TCF7L1: variants seen among roughly 807,000 people sequenced by gnomAD.
TCF7L1 encodes transcription factor 7-like 1.
Under a neutral mutation model 63.7 loss-of-function variants are expected in TCF7L1, and 18 were observed. The observed-to-expected ratio is 0.28, with a 90% CI of 0.20 to 0.42. The LOEUF is 0.42. Among genes scored for constraint, TCF7L1 ranks in the 10% least tolerant of loss-of-function variants. TCF7L1 has a pLI of 1.00. For missense variants in TCF7L1, 654 were observed against 779.3 expected (o/e 0.84, Z 1.91); for synonymous variants, 355 against 340.9 (o/e 1.04, Z -0.46).
At chr2:85,222,762 C>T (rs1261960545) in intron 3 of TCF7L1, among the ~76,000 whole-genome samples, 1 of 151,676 alleles carries the variant, frequency 6.6e-6, no homozygotes, top group Non-Finnish European at 1.5e-5. Flanking sequence ...GCATTGGATC[C>T]TGATTGGAAT....
rs140747822 is a variant in TCF7L1 at position 85,268,510 on chromosome 2, G to A, written c.442-14985G>A. On this transcript the variant is annotated intron_variant, in intron 3 of 11. Coordinates refer to ENST00000282111, the MANE Select transcript of TCF7L1 (RefSeq NM_031283.3). Reference sequence around the variant, plus strand: ...TTTTTTGAGACGGAGTCTCGCTCACGTCACCCAGGCTGGAGTGCAGTGGCA... The same window carrying A: ...TTTTTTGAGACGGAGTCTCGCTCACATCACCCAGGCTGGAGTGCAGTGGCA... Among the ~76,000 whole-genome samples, 249 of 135,266 alleles carry A rather than the reference G, an allele frequency of 1.8e-3. 2 individuals are homozygous for A. The highest frequency in any genetic ancestry group is 6.5e-3 in the African/African-American group (241 of 37,060). 88.7% of individuals were successfully genotyped at this position (135,266 alleles called of 152,430 possible).
intron 3 of TCF7L1, among the ~76,000 whole-genome samples, chr2:85,272,334 C>T (rs1022088087): frequency 4.0e-4 from 61 of 152,210 alleles, no homozygotes; most frequent in Admixed American, 4.0e-3. Context: ...ATAAGACATA[C>T]TGATTGTAAA....
chr2:85,259,574 CTATTGAAGA>C, intron 3 of TCF7L1, among the ~76,000 whole-genome samples: 1 of 152,184 alleles, frequency 6.6e-6, no homozygotes, highest in South Asian at 2.1e-4. Context: ...GCCCTGTTTA[CTATTGAAGA>C]TTGTGTGTCT....
chr2:85,146,387 A>C (rs1231749680), intron 3 of TCF7L1, among the ~76,000 whole-genome samples: 2 of 152,242 alleles, frequency 1.3e-5, no homozygotes, highest in Non-Finnish European at 2.9e-5. Flanking sequence ...ACAATGCATG[A>C]AAATGCCATT....
At chr2:85,165,045 G>A (rs986278051) in intron 3 of TCF7L1, among the ~76,000 whole-genome samples, 26 of 152,162 alleles carry the variant, frequency 1.7e-4, no homozygotes, top group African/African-American at 6.0e-4. Flanking sequence ...TGTGCATTTA[G>A]CATCATTCTG....
chr2:85,227,992 CAAAAAAAAAAAA>C (rs34769307), intron 3 of TCF7L1, among the ~76,000 whole-genome samples: 1 of 79,556 alleles, frequency 1.3e-5, no homozygotes, highest in Non-Finnish European at 2.5e-5. Context: ...ACCCTGTCTC[CAAAAAAAAAAAA>C]AAAAAAAAAA....
At chr2:85,146,070 C>T (rs187872190) in intron 3 of TCF7L1, among the ~76,000 whole-genome samples, 1 of 152,056 alleles carries the variant, frequency 6.6e-6, no homozygotes, top group Non-Finnish European at 1.5e-5. Context: ...TCATAATAAG[C>T]GATTCACTTG....
intron 3 of TCF7L1, among the ~76,000 whole-genome samples, chr2:85,157,682 G>T (rs1678181220): frequency 6.6e-6 from 1 of 152,228 alleles, no homozygotes; most frequent in Non-Finnish European, 1.5e-5. Flanking sequence ...CCTGAACCTT[G>T]TCCCTAAGAG....
chr2:85,201,514 C>G (rs1047876195), intron 3 of TCF7L1, among the ~76,000 whole-genome samples: 1 of 152,104 alleles, frequency 6.6e-6, no homozygotes, highest in Non-Finnish European at 1.5e-5. Flanking sequence ...TCCAAATTGT[C>G]ACAAATCTCC....
intron 3 of TCF7L1, among the ~76,000 whole-genome samples, chr2:85,222,223 C>G (rs62165585): frequency 2.2e-3 from 338 of 152,134 alleles, no homozygotes; most frequent in Middle Eastern, 6.8e-3. Flanking sequence ...CGCCTGTAAT[C>G]CCAGCTACTT....
intron 3 of TCF7L1, among the ~76,000 whole-genome samples, chr2:85,142,448 G>A (rs1416733892): frequency 0.21 from 4,835 of 22,620 alleles, 313 homozygotes; most frequent in African/African-American, 0.41. Context: ...GTGTGTGTGT[G>A]TGTGTGTGTG....
At chr2:85,138,999 CT>C (rs949590739) in intron 3 of TCF7L1, among the ~76,000 whole-genome samples, 49 of 147,270 alleles carry the variant, frequency 3.3e-4, no homozygotes, top group East Asian at 1.4e-3. Flanking sequence ...TTACACTTTT[CT>C]TTTTTTTTTT....
At chr2:85,214,155 A>G (rs965590954) in intron 3 of TCF7L1, among the ~76,000 whole-genome samples, 4 of 152,202 alleles carry the variant, frequency 2.6e-5, no homozygotes, top group Admixed American at 6.5e-5. Context: ...CCACAGCCAC[A>G]TCCTCCATGC....
At chr2:85,304,176 C>A in intron 6 of TCF7L1, 79 bp from the exon 7 acceptor site, 1 of 1,450,518 alleles carries the variant, frequency 6.9e-7, no homozygotes. Context: ...CCATATTTCT[C>A]ATCCCTTCTT....
chr2:85,160,728 C>T (rs1678264386), intron 3 of TCF7L1, among the ~76,000 whole-genome samples: 1 of 151,266 alleles, frequency 6.6e-6, no homozygotes, highest in South Asian at 2.1e-4. Context: ...GGTAGCAAGC[C>T]CCTGTCCCAA....
chr2:85,151,831 A>C (rs570000310), intron 3 of TCF7L1, among the ~76,000 whole-genome samples: 21 of 152,282 alleles, frequency 1.4e-4, no homozygotes, highest in Non-Finnish European at 2.8e-4. Context: ...ACCGAGCTGG[A>C]AAGATTTTCT....
intron 3 of TCF7L1, among the ~76,000 whole-genome samples, chr2:85,257,109 G>A (rs2104341777): frequency 6.6e-6 from 1 of 152,142 alleles, no homozygotes; most frequent in East Asian, 1.9e-4. Context: ...AGCTACTCGA[G>A]AGGCTGAATC....
At chr2:85,225,536 G>A (rs1679937099) in intron 3 of TCF7L1, among the ~76,000 whole-genome samples, 1 of 152,136 alleles carries the variant, frequency 6.6e-6, no homozygotes, top group Admixed American at 6.5e-5. Flanking sequence ...TCTCTTTGTA[G>A]TAATTGTGAA....
chr2:85,271,593 G>A (rs1027071959), intron 3 of TCF7L1, among the ~76,000 whole-genome samples: 1 of 152,306 alleles, frequency 6.6e-6, no homozygotes, highest in African/African-American at 2.4e-5. Context: ...GTTGTAACAC[G>A]ATAATTCTTG....
Sources: gnomAD v4.1 joint callset for allele counts (sites outside exome capture counted in the v4.1 genomes callset) on GRCh38, gnomAD v4.1.1 for gene constraint, MANE v1.5 for transcripts, NCBI Gene and HGNC (gene_info 2026-07-23, HGNC 2026-07-21) for gene names.